ZNF557: variants seen among roughly 807,000 people sequenced by gnomAD.
The protein encoded by ZNF557 is zinc finger protein 557.
In ZNF557, 19 loss-of-function variants were observed where a neutral mutation model predicts 21.2. The observed-to-expected ratio is 0.90, with a 90% CI of 0.63 to 1.32. ZNF557 has a LOEUF of 1.32. Ranked by LOEUF, ZNF557 falls within the 40% of genes most tolerant of loss-of-function variation. The pLI is 0.00. For synonymous variants in ZNF557, 207 were observed against 194.8 expected, an observed-to-expected ratio of 1.06 and a Z score of -0.52; for missense variants, 487 against 519.8, an observed-to-expected ratio of 0.94 and a Z score of 0.61.
chr19:7,071,026 A>G (rs189499425), intron 2 of ZNF557, among the ~76,000 whole-genome samples: 242 of 152,224 alleles, frequency 1.6e-3, no homozygotes, highest in Non-Finnish European at 2.8e-3. Context: ...TCGGCCTCCT[A>G]AAGTGCTGGG....
rs147600676 is a variant in ZNF557, at chr19:7,079,576, T to G, written c.248-1784T>G. 2.6e-5 allele frequency among the ~76,000 whole-genome samples: 4 copies of G among 152,302 alleles called. No homozygotes were observed. In the East Asian group the frequency reaches 7.7e-4, roughly 29 times the overall value. ...TTCTTTACATGCCTCATAATTTATT[T>G]GCTGAAAACTACTTTCAGAATATTA... On this transcript the variant is annotated intron_variant, in intron 5 of 7. Transcript: ENST00000252840.
At chr19:7,082,766 T>G in intron 7 of ZNF557, 112 bp from the exon 8 acceptor site, 1 of 1,126,146 alleles carries the variant, frequency 8.9e-7, no homozygotes, top group Non-Finnish European at 1.2e-6. Flanking sequence ...GCAAAAACAT[T>G]AATTCCAATA....
intron 5 of ZNF557, among the ~76,000 whole-genome samples, chr19:7,078,435 C>CT (rs761023620): frequency 0.024 from 3,367 of 141,424 alleles, 113 homozygotes; most frequent in African/African-American, 0.076. Flanking sequence ...ACATATATTC[C>CT]TTTTTTTTTT....
rs1404016005 is a variant in ZNF557 at position 7,087,912 on chromosome 19, C to T, written c.*4168C>T. The T allele has an allele frequency of 6.6e-6, 1 of 152,052 alleles. No individual in the cohort carries two copies. Among genetic ancestry groups the T allele is most frequent in the Admixed American group, 6.6e-5 (1 of 15,264 alleles). The allele number at this position is 152,052 out of a possible 1,614,324, so 9.4% of individuals were successfully genotyped here. On this transcript the variant is annotated 3_prime_UTR_variant, in exon 8 of 8. Coordinates refer to ENST00000252840, the MANE Select transcript of ZNF557 (RefSeq NM_024341.3). ...TTTGTACTGTATTTGTTTCTCTCGACCTGACTTAGTGATAGAGGTATATTA... is the reference window on the plus strand; with the variant it reads ...TTTGTACTGTATTTGTTTCTCTCGATCTGACTTAGTGATAGAGGTATATTA...
rs191890206 is a variant in ZNF557 at position 7,083,816 on chromosome 19, T to C, written c.*72T>C. On this transcript the variant is annotated 3_prime_UTR_variant, in exon 8 of 8. Coordinates refer to ENST00000252840, the MANE Select transcript of ZNF557 (RefSeq NM_024341.3). ...ATAACATGAGCAAACTCTAACAAGA[T>C]GTATGAATCACCTGCTACTGTGTAA... 18 of 1,510,096 alleles carry C rather than the reference T, an allele frequency of 1.2e-5. No homozygotes were observed. The Admixed American group carries it at 2.6e-4, about 22-fold the overall frequency. 93.5% of individuals were successfully genotyped at this position (1,510,096 alleles called of 1,614,324 possible). A position where few individuals can be genotyped will look rare whatever the true frequency, so the allele number is the denominator to read the frequency against.
At chr19:7,071,129 T>C (rs1163538917) in intron 2 of ZNF557, among the ~76,000 whole-genome samples, 1 of 152,202 alleles carries the variant, frequency 6.6e-6, no homozygotes, top group East Asian at 1.9e-4. Flanking sequence ...TGTGTGATAA[T>C]GTGTGTCAAA....
intron 3 of ZNF557, among the ~76,000 whole-genome samples, 191 bp downstream of exon 3, chr19:7,075,296 C>T (rs1977561669): frequency 6.6e-6 from 1 of 152,138 alleles, no homozygotes; most frequent in Non-Finnish European, 1.5e-5. Flanking sequence ...GTGGATGTCA[C>T]CTGTGTGGTG....
chr19:7,083,714 G>A lies in ZNF557; in HGVS notation c.1263G>A (p.Val421=), dbSNP rs1977773855. 6.2e-7 allele frequency: 1 copy of A among 1,611,048 alleles called. No individual in the cohort carries two copies. ...TCACAAGTAACTCCTACCTTTCTGTGCATACGAGAATGCATAATAGGCAAA... is the reference window on the plus strand; with the variant it reads ...TCACAAGTAACTCCTACCTTTCTGTACATACGAGAATGCATAATAGGCAAA... ...KSFTSNSYLS[V]HTRMHNRQM is the part of the protein sequence containing the mutation. The change falls in exon 8 of 8, where the codon GTG becomes GTA. Residue 421 remains valine (V), a synonymous_variant. Transcript: ENST00000252840.
chr19:7,080,188 C>A (rs1278348734), intron 5 of ZNF557, among the ~76,000 whole-genome samples: 1 of 152,072 alleles, frequency 6.6e-6, no homozygotes, highest in East Asian at 1.9e-4. Context: ...CTTGTAATCC[C>A]AGCTACTTGG....
At chr19:7,076,639 C>A in intron 5 of ZNF557, 132 bp downstream of exon 5, 2 of 1,364,554 alleles carry the variant, frequency 1.5e-6, no homozygotes, top group Non-Finnish European at 2.0e-6. Context: ...AATTTGGTGG[C>A]TTTTCGTAGG....
intron 7 of ZNF557, among the ~76,000 whole-genome samples, 196 bp downstream of exon 7, chr19:7,082,248 A>G (rs8106231): frequency 0.43 from 65,530 of 151,486 alleles, 14,399 homozygotes; most frequent in East Asian, 0.54. Flanking sequence ...GTGAAACCCC[A>G]TCTCTACTAA....
chr19:7,079,925 GGTCA>G (rs1221596369), intron 5 of ZNF557, among the ~76,000 whole-genome samples: 3 of 152,286 alleles, frequency 2.0e-5, no homozygotes, highest in South Asian at 2.1e-4. Flanking sequence ...AGAGCCTGAA[GGTCA>G]GTCAAAGGTG....
chr19:7,071,921 T>C (rs1214486109), intron 2 of ZNF557, among the ~76,000 whole-genome samples: 6 of 129,616 alleles, frequency 4.6e-5, no homozygotes, highest in Non-Finnish European at 6.4e-5. Flanking sequence ...CTGGCTAACG[T>C]GGTGAAACCC....
intron 6 of ZNF557, 53 bp downstream of exon 6, chr19:7,081,508 T>C (rs902323166): frequency 3.2e-6 from 4 of 1,240,664 alleles, no homozygotes; most frequent in Non-Finnish European, 4.7e-6. Flanking sequence ...GGCCAGGGAC[T>C]GAGAAGTTGG....
At chr19:7,079,385 G>A (rs899578587) in intron 5 of ZNF557, among the ~76,000 whole-genome samples, 11 of 151,172 alleles carry the variant, frequency 7.3e-5, no homozygotes, top group Admixed American at 7.3e-4. Context: ...GGGACTACAG[G>A]CGCCCACCAC....
chr19:7,082,088 T>C (rs1977720554), intron 7 of ZNF557, 36 bp downstream of exon 7: 7 of 1,534,476 alleles, frequency 4.6e-6, no homozygotes, highest in Non-Finnish European at 5.4e-6. Flanking sequence ...GTTTTTTTCA[T>C]GGTAGAATGC....
Position 7,075,572 on chromosome 19 carries a change from C to T in ZNF557, c.32-83C>T, listed in dbSNP as rs558664945. The T allele has an allele frequency of 1.9e-5, 26 of 1,386,840 alleles. No homozygotes were observed. The African/African-American group carries it at 2.9e-4, about 15-fold the overall frequency. The allele number at this position is 1,386,840 out of a possible 1,614,324, so 85.9% of individuals were successfully genotyped here. On this transcript the variant is annotated intron_variant, in intron 3 of 7. Coordinates refer to ENST00000252840, the MANE Select transcript of ZNF557 (RefSeq NM_024341.3). The stretch of plus-strand genomic sequence containing the variant: ...GTGTATGCATGGGGACCTGGTCGAT[C>T]GCAGGCAGGTGGGGAAGCCTCCAGA...
At chr19:7,079,474 T>A (rs1177116902) in intron 5 of ZNF557, among the ~76,000 whole-genome samples, 1 of 152,002 alleles carries the variant, frequency 6.6e-6, no homozygotes, top group African/African-American at 2.4e-5. Flanking sequence ...TCTCCTGACC[T>A]TGTGATCCGC....
chr19:7,082,075 CT>C, intron 7 of ZNF557, 23 bp downstream of exon 7: 3 of 1,591,398 alleles, frequency 1.9e-6, no homozygotes, highest in Non-Finnish European at 2.6e-6. Flanking sequence ...TGGGTGATTC[CT>C]GGTTTTTTTC....
Sources: allele counts gnomAD v4.1 joint callset (sites outside exome capture counted in the v4.1 genomes callset), GRCh38; gene constraint gnomAD v4.1.1; transcripts MANE v1.5; gene names NCBI Gene and HGNC (gene_info 2026-07-23, HGNC 2026-07-21).